The following FHOD3 variants were observed in gnomAD, a reference collection of about 807,000 sequenced individuals.
FHOD3 encodes the protein FH1/FH2 domain-containing protein 3.
In FHOD3, 90 loss-of-function variants were observed where a neutral mutation model predicts 173.0. The ratio of observed to expected loss-of-function variants is 0.52; its 90% CI spans 0.44 to 0.62. The LOEUF (loss-of-function observed/expected upper bound fraction) is 0.62, where lower values mean the gene tolerates loss of function less well. Among genes scored for constraint, FHOD3 ranks in the 20% least tolerant of loss-of-function variants. The pLI, the probability that FHOD3 is intolerant of heterozygous loss-of-function variation, is 0.00. For synonymous variants in FHOD3, 828 were observed against 823.0 expected (o/e 1.01, Z -0.10); for missense variants, 1,945 against 2,034.7 (o/e 0.96, Z 0.85).
At chr18:36,493,762 A>G (rs2054592268) in intron 3 of FHOD3, among the ~76,000 whole-genome samples, 1 of 152,004 alleles carries the variant, frequency 6.6e-6, no homozygotes, top group African/African-American at 2.4e-5. Flanking sequence ...AGACCTGGAC[A>G]TTGCGCCTGT....
At chr18:36,512,234 A>G (rs1043768448) in intron 4 of FHOD3, among the ~76,000 whole-genome samples, 20 of 152,250 alleles carry the variant, frequency 1.3e-4, no homozygotes, top group African/African-American at 4.6e-4. Flanking sequence ...GAAGGCAGCA[A>G]TAACTGGTGT....
intron 1 of FHOD3, among the ~76,000 whole-genome samples, chr18:36,333,047 C>G (rs771492903): frequency 2.0e-5 from 3 of 152,216 alleles, no homozygotes; most frequent in African/African-American, 7.2e-5. Flanking sequence ...TTTTCATTCT[C>G]TTTGCACATC....
At chr18:36,418,759 C>G (rs1025130484) in intron 3 of FHOD3, among the ~76,000 whole-genome samples, 1 of 151,884 alleles carries the variant, frequency 6.6e-6, no homozygotes, top group African/African-American at 2.4e-5. Flanking sequence ...AATAAAAATA[C>G]AAAAAATTAG....
At chr18:36,382,752 T>C (rs1383319142) in intron 3 of FHOD3, among the ~76,000 whole-genome samples, 1 of 152,076 alleles carries the variant, frequency 6.6e-6, no homozygotes, top group African/African-American at 2.4e-5. Context: ...TGTCTCAGAT[T>C]CTGTCAACCC....
At chr18:36,439,868 T>C (rs1303378106) in intron 3 of FHOD3, among the ~76,000 whole-genome samples, 3 of 152,172 alleles carry the variant, frequency 2.0e-5, no homozygotes, top group African/African-American at 7.2e-5. Context: ...TTCGATTCTT[T>C]TGTTCTATGT....
At chr18:36,457,301 G>A (rs745490970) in intron 3 of FHOD3, among the ~76,000 whole-genome samples, 12 of 152,044 alleles carry the variant, frequency 7.9e-5, no homozygotes, top group African/African-American at 1.2e-4. Flanking sequence ...ATGCTGAAGC[G>A]CAGCTGGGCA....
In FHOD3 at chr18:36,468,342, A is replaced by G. The variant is rs117094334; in HGVS notation, c.338-33590A>G. ...AATGTGGCACTAAGAATAGCCAGCTAGACGTGGTGATAAGGGCCCAGATGG... is the reference window on the plus strand; with the variant it reads ...AATGTGGCACTAAGAATAGCCAGCTGGACGTGGTGATAAGGGCCCAGATGG... On this transcript the variant is annotated intron_variant, in intron 3 of 28. Transcript: ENST00000590592. Among the ~76,000 whole-genome samples the G allele has an allele frequency of 2.9e-3, 438 of 152,284 alleles. 3 individuals are homozygous for G. The highest frequency in any genetic ancestry group is 3.6e-3 in the Non-Finnish European group (246 of 68,016).
chr18:36,358,086 C>T (rs547927005), intron 2 of FHOD3, among the ~76,000 whole-genome samples: 1 of 152,334 alleles, frequency 6.6e-6, no homozygotes, highest in Admixed American at 6.5e-5. Context: ...CTCAATTTTT[C>T]ATCTGAGACA....
intron 6 of FHOD3, 149 bp downstream of exon 6, chr18:36,576,694 AAG>A (rs1158257043): frequency 3.8e-6 from 2 of 529,184 alleles, no homozygotes; most frequent in Non-Finnish European, 6.6e-6. Context: ...TACAAATTTT[AAG>A]ATACACTTAA....
intron 16 of FHOD3, among the ~76,000 whole-genome samples, chr18:36,690,631 C>T (rs1233103076): frequency 6.6e-6 from 1 of 152,140 alleles, no homozygotes; most frequent in Non-Finnish European, 1.5e-5. Context: ...CGCGTACCAG[C>T]CCACCGCCTT....
chr18:36,490,565 T>A (rs17673891), intron 3 of FHOD3, among the ~76,000 whole-genome samples: 1 of 152,076 alleles, frequency 6.6e-6, no homozygotes, highest in Non-Finnish European at 1.5e-5. Flanking sequence ...TTTTGCAGCC[T>A]CTTGGTGAAT....
At chr18:36,716,203 CAG>C (rs142223270) in intron 18 of FHOD3, among the ~76,000 whole-genome samples, 4,262 of 152,298 alleles carry the variant, frequency 0.028, 107 homozygotes, top group East Asian at 0.097. Flanking sequence ...TGACTAGAAG[CAG>C]AGAGTCCAGT....
chr18:36,743,524 A>G (rs2042009053), intron 22 of FHOD3, among the ~76,000 whole-genome samples: 1 of 152,180 alleles, frequency 6.6e-6, no homozygotes, highest in Non-Finnish European at 1.5e-5. Context: ...TGCTTAAAGA[A>G]AAACAACTGT....
At chr18:36,619,997 T>G (rs189159633) in intron 9 of FHOD3, among the ~76,000 whole-genome samples, 41 of 152,314 alleles carry the variant, frequency 2.7e-4, no homozygotes, top group Middle Eastern at 3.4e-3. Context: ...TGAGATCCCA[T>G]GAGGGCCTTC....
chr18:36,399,679 C>A (rs139265263), intron 3 of FHOD3, among the ~76,000 whole-genome samples: 2 of 152,194 alleles, frequency 1.3e-5, no homozygotes, highest in East Asian at 3.9e-4. Flanking sequence ...TAGCCCCCTC[C>A]GCTTTTCTTC....
At chr18:36,380,102 C>T (rs886523099) in intron 3 of FHOD3, among the ~76,000 whole-genome samples, 5 of 151,986 alleles carry the variant, frequency 3.3e-5, no homozygotes, top group Non-Finnish European at 5.9e-5. Context: ...CATAATTCAG[C>T]GAAACTGCTA....
intron 10 of FHOD3, among the ~76,000 whole-genome samples, chr18:36,647,291 CA>C (rs1415190984): frequency 6.6e-6 from 1 of 152,006 alleles, no homozygotes; most frequent in Admixed American, 6.6e-5. Context: ...TTTTAATGGG[CA>C]AAAAACTACT....
rs888862930 is a variant in FHOD3 at position 36,773,427 on chromosome 18, C to T, written c.4786+4001C>T. 1.2e-4 allele frequency among the ~76,000 whole-genome samples: 18 copies of T among 152,254 alleles called. 1 individual carries two copies. The highest frequency in any genetic ancestry group is 8.5e-4 in the Admixed American group (13 of 15,296). On this transcript the variant is annotated intron_variant, in intron 28 of 28. Coordinates refer to ENST00000590592, the MANE Select transcript of FHOD3 (RefSeq NM_001281740.3). ...CATGCACCTGACCGAAGGATGTTTC[C>T]GTCTTTCATCATTTTTGCTGCCAAG... is the stretch of plus-strand genomic sequence containing the variant.
chr18:36,730,193 G>A (rs2041283912), intron 19 of FHOD3, among the ~76,000 whole-genome samples: 1 of 152,112 alleles, frequency 6.6e-6, no homozygotes, highest in African/African-American at 2.4e-5. Context: ...CAGGCCAATG[G>A]TGCTGTATTC....
Sources: allele counts gnomAD v4.1 joint callset (sites outside exome capture counted in the v4.1 genomes callset), GRCh38; gene constraint gnomAD v4.1.1; transcripts MANE v1.5; gene names NCBI Gene and HGNC (gene_info 2026-07-23, HGNC 2026-07-21).